The following NELL2 variants were observed in gnomAD, a reference collection of about 807,000 sequenced individuals.
The protein encoded by NELL2 is neural EGFL like 2.
In NELL2, 41 loss-of-function variants were observed where a neutral mutation model predicts 109.6. The observed-to-expected ratio is 0.37, with a 90% CI of 0.29 to 0.49. NELL2 has a LOEUF of 0.49. Ranked by LOEUF, NELL2 falls within the 20% of genes least tolerant of loss-of-function variation. NELL2 has a pLI of 0.98. For missense variants in NELL2, 900 were observed against 1,008.3 expected (o/e 0.89, Z 1.45); for synonymous variants, 355 against 344.7 (o/e 1.03, Z -0.33).
chr12:44,594,394 T>A lies in NELL2; in HGVS notation c.1663+12775A>T, dbSNP rs528563191. Among the ~76,000 whole-genome samples, 34 of 152,134 alleles carry A rather than the reference T, an allele frequency of 2.2e-4. No homozygotes were observed. In the East Asian group the frequency reaches 4.0e-3, roughly 18 times the overall value. On this transcript the variant is annotated intron_variant, in intron 15 of 19. Coordinates refer to ENST00000429094, the MANE Select transcript of NELL2 (RefSeq NM_001145108.2). ...CTATGTGAGCAAAATACCTACCACA[T>A]AAAATTGTTGCAATACTTTAGTCTG...
chr12:44,509,530 G>A (rs1940889075), intron 19 of NELL2, among the ~76,000 whole-genome samples: 2 of 152,122 alleles, frequency 1.3e-5, no homozygotes, highest in Admixed American at 1.3e-4. Context: ...ACTCATGAAT[G>A]GGATCAGTGC....
rs201476041 is a variant in NELL2, at chr12:44,776,164, G to T, written c.763-14C>A. On this transcript the variant is annotated splice_polypyrimidine_tract_variant and intron_variant, in intron 7 of 19. Transcript: ENST00000429094. ...AGCTCGAGACAGCTGTGGCACAAAA[G>T]AACGGGTTTTACATTGTTCATCCTT... The T allele has an allele frequency of 1.1e-5, 18 of 1,612,484 alleles. No individual in the cohort carries two copies. The highest frequency in any genetic ancestry group is 8.9e-5 in the East Asian group (4 of 44,808).
At chr12:44,778,896 A>C (rs1198444605) in intron 5 of NELL2, among the ~76,000 whole-genome samples, 1 of 152,236 alleles carries the variant, frequency 6.6e-6, no homozygotes, top group Non-Finnish European at 1.5e-5. Flanking sequence ...AACTTTGCTT[A>C]GAAAACAATT....
intron 15 of NELL2, among the ~76,000 whole-genome samples, chr12:44,533,886 GATAGCCGTATGCC>G (rs66759979): frequency 0.58 from 88,520 of 151,580 alleles, 25,968 homozygotes; most frequent in East Asian, 0.72. Context: ...CTCCCATCTT[GATAGCCGTATGCC>G]ATAGCCGAAG....
intron 12 of NELL2, among the ~76,000 whole-genome samples, chr12:44,666,433 T>A (rs539019673): frequency 6.6e-6 from 1 of 152,290 alleles, no homozygotes; most frequent in African/African-American, 2.4e-5. Flanking sequence ...GAATTTCCCA[T>A]CCAGAAGTCT....
At chr12:44,617,334 G>A (rs1275391208) in intron 13 of NELL2, among the ~76,000 whole-genome samples, 2 of 152,122 alleles carry the variant, frequency 1.3e-5, no homozygotes, top group Non-Finnish European at 2.9e-5. Context: ...TAGTTCTCTG[G>A]ACCTGAGAAG....
intron 13 of NELL2, among the ~76,000 whole-genome samples, chr12:44,638,934 A>G (rs960138845): frequency 2.0e-5 from 3 of 152,220 alleles, no homozygotes; most frequent in African/African-American, 4.8e-5. Context: ...TAAAAATTGT[A>G]CTGAGATTAA....
chr12:44,516,210 T>A (rs1002158397), intron 19 of NELL2, among the ~76,000 whole-genome samples: 8 of 152,082 alleles, frequency 5.3e-5, no homozygotes, highest in Non-Finnish European at 1.0e-4. Context: ...TATACAAAGT[T>A]ACTATAACTT....
intron 16 of NELL2, 133 bp from the exon 17 acceptor site, chr12:44,523,617 G>C (rs1278733364): frequency 1.5e-6 from 1 of 679,756 alleles, no homozygotes; most frequent in Non-Finnish European, 2.5e-6. Context: ...GCTTGCATTT[G>C]TGATTAAATG....
At chr12:44,842,082 C>CG (rs1944242067) in intron 2 of NELL2, among the ~76,000 whole-genome samples, 2 of 29,350 alleles carry the variant, frequency 6.8e-5, no homozygotes, top group African/African-American at 2.8e-4. Context: ...CAAGTAAGGA[C>CG]GGAAGGGAGG....
At chr12:44,796,836 C>T (rs1181405048) in intron 3 of NELL2, among the ~76,000 whole-genome samples, 1 of 151,902 alleles carries the variant, frequency 6.6e-6, no homozygotes, top group African/African-American at 2.4e-5. Flanking sequence ...GAATAACAAC[C>T]TATCTTATTA....
chr12:44,848,619 G>A (rs538492026), intron 2 of NELL2, among the ~76,000 whole-genome samples: 7 of 152,050 alleles, frequency 4.6e-5, no homozygotes, highest in Admixed American at 4.6e-4. Flanking sequence ...TAGTTATGAG[G>A]TCACAAAAAC....
rs542503486 is a variant in NELL2, at chr12:44,762,095, GA to G, written c.994+12651del. ...AATAGAAATTGTCAACAAACATAAT[GA>G]AAAAAAAATTCAACCATCCAGATTT... On this transcript the variant is annotated intron_variant, in intron 9 of 19. Coordinates refer to ENST00000429094, the MANE Select transcript of NELL2 (RefSeq NM_001145108.2). Among the ~76,000 whole-genome samples, 582 of 151,410 alleles carry G rather than the reference GA, an allele frequency of 3.8e-3. 5 individuals carry two copies. Among genetic ancestry groups the G allele is most frequent in the African/African-American group, 0.013 (540 of 41,284 alleles).
chr12:44,906,258 G>A (rs1592715427), intron 1 of NELL2, among the ~76,000 whole-genome samples: 2 of 152,050 alleles, frequency 1.3e-5, no homozygotes, highest in African/African-American at 2.4e-5. Flanking sequence ...CAGTAAGTAC[G>A]ATTGGGGTTA....
At position 44,871,694 on chromosome 12, in the gene NELL2, AC is replaced by A. The variant is rs554239387; in HGVS notation, c.184+3530del. Among the ~76,000 whole-genome samples, 349 of 152,322 alleles carry A rather than the reference AC, an allele frequency of 2.3e-3. 1 individual carries two copies. Among genetic ancestry groups the A allele is most frequent in the Non-Finnish European group, 3.2e-3 (217 of 68,012 alleles). On this transcript the variant is annotated intron_variant, in intron 2 of 19. Transcript: ENST00000429094. ...CCACCTCGATTTCCTCAATGCAGTT[AC>A]CTTTGCCTACTAAAGTCCATGGTCT...
At chr12:44,743,612 A>T (rs1480094366) in intron 9 of NELL2, among the ~76,000 whole-genome samples, 1 of 152,222 alleles carries the variant, frequency 6.6e-6, no homozygotes, top group African/African-American at 2.4e-5. Context: ...AAGATCTACC[A>T]AGCAAATGGA....
chr12:44,596,905 A>T (rs1190778312), intron 15 of NELL2, among the ~76,000 whole-genome samples: 2 of 152,178 alleles, frequency 1.3e-5, no homozygotes. Flanking sequence ...CTGCTTGTTT[A>T]TTATTACACT....
intron 3 of NELL2, among the ~76,000 whole-genome samples, chr12:44,784,396 T>TTAG (rs1181012058): frequency 6.6e-6 from 1 of 151,026 alleles, no homozygotes; most frequent in Non-Finnish European, 1.5e-5. Flanking sequence ...AAGGAAGAAG[T>TTAG]TAGAAAGTCA....
intron 15 of NELL2, among the ~76,000 whole-genome samples, chr12:44,567,192 A>T (rs1453545695): frequency 6.6e-6 from 1 of 152,224 alleles, no homozygotes; most frequent in Non-Finnish European, 1.5e-5. Context: ...AATCAGGATA[A>T]AAAGTACTTA....
Sources: gnomAD v4.1 joint callset for allele counts (sites outside exome capture counted in the v4.1 genomes callset) on GRCh38, gnomAD v4.1.1 for gene constraint, MANE v1.5 for transcripts, NCBI Gene and HGNC (gene_info 2026-07-23, HGNC 2026-07-21) for gene names.